KCTD16: variants seen among roughly 807,000 people sequenced by gnomAD.
KCTD16 encodes the protein potassium channel tetramerization domain containing 16, also known as BTB/POZ domain-containing protein KCTD16.
In KCTD16, 13 loss-of-function variants were observed where a neutral mutation model predicts 33.2. The ratio of observed to expected loss-of-function variants is 0.39; its 90% CI spans 0.25 to 0.62. The LOEUF is 0.62. Ranked by LOEUF, KCTD16 falls within the 20% of genes least tolerant of loss-of-function variation. The pLI, the probability that KCTD16 is intolerant of heterozygous loss-of-function variation, is 0.50. For synonymous variants in KCTD16, 197 were observed against 195.3 expected (o/e 1.01, Z -0.07); for missense variants, 441 against 525.1 (o/e 0.84, Z 1.57).
intron 3 of KCTD16, among the ~76,000 whole-genome samples, chr5:144,386,560 A>G (rs1752328164): frequency 6.6e-6 from 1 of 152,198 alleles, no homozygotes; most frequent in Non-Finnish European, 1.5e-5. Context: ...TGTGCAGTCC[A>G]TTGTAAATAC....
intron 3 of KCTD16, among the ~76,000 whole-genome samples, chr5:144,348,029 G>T (rs1267509930): frequency 2.0e-5 from 3 of 152,162 alleles, no homozygotes; most frequent in Non-Finnish European, 2.9e-5. Flanking sequence ...CCTAGTTTCT[G>T]CATGTAAACC....
At chr5:144,201,983 C>T (rs73792192) in intron 2 of KCTD16, among the ~76,000 whole-genome samples, 145 of 152,264 alleles carry the variant, frequency 9.5e-4, no homozygotes, top group Middle Eastern at 3.4e-3. Flanking sequence ...TTAAAATAGT[C>T]CTTTTGAGAA....
chr5:144,178,242 AT>A (rs1193411618), intron 2 of KCTD16, among the ~76,000 whole-genome samples: 1 of 152,122 alleles, frequency 6.6e-6, no homozygotes, highest in African/African-American at 2.4e-5. Flanking sequence ...TATTTTATTG[AT>A]TTTTTTCACT....
chr5:144,479,436 A>G lies in KCTD16; in HGVS notation c.*5322A>G, dbSNP rs1754662304. The G allele has an allele frequency of 6.6e-6, 1 of 151,932 alleles. No individual in the cohort carries two copies. 9.4% of individuals were successfully genotyped at this position (151,932 alleles called of 1,614,324 possible). A position where few individuals can be genotyped will look rare whatever the true frequency, so the allele number is the denominator to read the frequency against. ...AATTCAAAAGGGTTTCAATGATCCA[A>G]TTGACCCTATTCATTTAACAGAGTA... On this transcript the variant is annotated 3_prime_UTR_variant, in exon 4 of 4. Coordinates refer to ENST00000512467, the MANE Select transcript of KCTD16 (RefSeq NM_020768.4).
chr5:144,206,926 G>C lies in KCTD16; in HGVS notation c.212G>C (p.Gly71Ala), dbSNP rs146836865. The change falls in exon 3 of 4, where the codon GGA becomes GCA. Residue 71 changes from glycine to alanine, a missense_variant. By Grantham distance (60) the Gly-to-Ala change is moderately conservative (BLOSUM62 0). Coordinates refer to ENST00000512467, the MANE Select transcript of KCTD16 (RefSeq NM_020768.4). ...AATGATCTAGCCAAGGACTCCAAGG[G>C]AAGGTTTTTCATTGACAGAGATGGA... is the stretch of plus-strand genomic sequence containing the variant. ...TANDLAKDSK[G>A]RFFIDRDGFL... 2.0e-5 allele frequency: 33 copies of C among 1,614,046 alleles called. No individual in the cohort carries two copies. Among genetic ancestry groups the C allele is most frequent in the Non-Finnish European group, 2.8e-5 (33 of 1,180,020 alleles).
chr5:144,294,463 T>C (rs534411138), intron 3 of KCTD16, among the ~76,000 whole-genome samples: 21 of 152,102 alleles, frequency 1.4e-4, no homozygotes, highest in African/African-American at 5.1e-4. Context: ...ACTCTCTGGG[T>C]GTATGTAAGC....
chr5:144,198,206 T>G (rs1213715983), intron 2 of KCTD16, among the ~76,000 whole-genome samples: 2 of 152,206 alleles, frequency 1.3e-5, no homozygotes, highest in African/African-American at 4.8e-5. Flanking sequence ...CCTATCAGCT[T>G]TGTAATTGTT....
In KCTD16 at chr5:144,326,580, C is replaced by A. The variant is rs146712664; in HGVS notation, c.832+119034C>A. Among the ~76,000 whole-genome samples, 277 of 152,114 alleles carry A rather than the reference C, an allele frequency of 1.8e-3. 2 individuals are homozygous for A. Among genetic ancestry groups the A allele is most frequent in the African/African-American group, 6.4e-3 (265 of 41,500 alleles). On this transcript the variant is annotated intron_variant, in intron 3 of 3. Transcript: ENST00000512467. ...AATTGGACCTTATAACTAATCATTTCTTCTCATTTCAATACCTCCCACTAT... is the reference window on the plus strand; with the variant it reads ...AATTGGACCTTATAACTAATCATTTATTCTCATTTCAATACCTCCCACTAT...
At chr5:144,232,335 TACG>T (rs928828597) in intron 3 of KCTD16, among the ~76,000 whole-genome samples, 6 of 152,218 alleles carry the variant, frequency 3.9e-5, no homozygotes, top group Non-Finnish European at 7.3e-5. Flanking sequence ...AGTTGCTAAT[TACG>T]ACAACAGTAA....
intron 3 of KCTD16, among the ~76,000 whole-genome samples, chr5:144,378,814 G>A (rs10515542): frequency 0.78 from 118,918 of 152,124 alleles, 46,838 homozygotes; most frequent in South Asian, 0.89. Flanking sequence ...GAACCAACGT[G>A]TTATTTGGCC....
intron 3 of KCTD16, among the ~76,000 whole-genome samples, chr5:144,426,800 C>A (rs998070429): frequency 2.6e-5 from 4 of 151,996 alleles, no homozygotes; most frequent in African/African-American, 9.7e-5. Context: ...AGAGCCCACT[C>A]CTATGGTAAC....
intron 3 of KCTD16, chr5:144,382,977 G>A (rs1458218618): frequency 6.6e-6 from 1 of 152,110 alleles, no homozygotes; most frequent in Admixed American, 6.6e-5. Flanking sequence ...CTCTGGTAGG[G>A]AGCTTCACGT....
chr5:144,403,433 C>T (rs566024637), intron 3 of KCTD16, among the ~76,000 whole-genome samples: 29 of 152,090 alleles, frequency 1.9e-4, no homozygotes, highest in Non-Finnish European at 2.9e-4. Flanking sequence ...AGAAGCGACA[C>T]ACAGAGAGCA....
intron 3 of KCTD16, among the ~76,000 whole-genome samples, chr5:144,398,251 T>C (rs1752619891): frequency 6.6e-6 from 1 of 152,190 alleles, no homozygotes. Flanking sequence ...TTCAAAAATA[T>C]TCAGTAACAT....
chr5:144,350,903 T>C (rs1751412569), intron 3 of KCTD16, among the ~76,000 whole-genome samples: 1 of 151,886 alleles, frequency 6.6e-6, no homozygotes, highest in African/African-American at 2.4e-5. Flanking sequence ...AGAATTGTCA[T>C]GCAGCTTGTA....
chr5:144,413,691 C>A (rs1752983014), intron 3 of KCTD16, among the ~76,000 whole-genome samples: 1 of 152,162 alleles, frequency 6.6e-6, no homozygotes. Context: ...ATTATACTAA[C>A]ACTAGTCATT....
At chr5:144,278,646 C>T (rs1287392974) in intron 3 of KCTD16, among the ~76,000 whole-genome samples, 4 of 151,370 alleles carry the variant, frequency 2.6e-5, no homozygotes, top group Non-Finnish European at 5.9e-5. Context: ...TACAGGCGCC[C>T]GCCACCGCGC....
chr5:144,392,163 G>C (rs1184232379), intron 3 of KCTD16, among the ~76,000 whole-genome samples: 1 of 152,186 alleles, frequency 6.6e-6, no homozygotes, highest in Non-Finnish European at 1.5e-5. Flanking sequence ...AAAACAGAAA[G>C]TCGTGAAATG....
At chr5:144,380,733 A>T (rs891637641) in intron 3 of KCTD16, among the ~76,000 whole-genome samples, 2 of 152,220 alleles carry the variant, frequency 1.3e-5, no homozygotes, top group African/African-American at 4.8e-5. Context: ...TCCCTATTCA[A>T]TAAATGATGC....
Sources: gnomAD v4.1 joint callset for allele counts (sites outside exome capture counted in the v4.1 genomes callset) on GRCh38, gnomAD v4.1.1 for gene constraint, MANE v1.5 for transcripts, NCBI Gene and HGNC (gene_info 2026-07-23, HGNC 2026-07-21) for gene names.